Variants in AMPD3 observed in about 807,000 individuals in gnomAD.
AMPD3 encodes the protein adenosine monophosphate deaminase 3.
A neutral mutation model predicts 82.3 loss-of-function variants in AMPD3; 57 were observed. That is an observed-to-expected ratio of 0.69 (90% CI 0.56 to 0.86). The LOEUF is 0.86. Ranked by LOEUF, AMPD3 falls within the 40% of genes least tolerant of loss-of-function variation. AMPD3 has a pLI of 0.00. For synonymous variants in AMPD3, 381 were observed against 394.7 expected (o/e 0.97, Z 0.41); for missense variants, 870 against 1,003.8 (o/e 0.87, Z 1.80).
At chr11:10,463,408 C>T (rs138724211) in intron 2 of AMPD3, among the ~76,000 whole-genome samples, 10 of 152,232 alleles carry the variant, frequency 6.6e-5, no homozygotes, top group African/African-American at 1.7e-4. Context: ...GGTGGGGTGG[C>T]CCCAGCCCCA....
At chr11:10,500,706 T>C (rs1251595368) in intron 11 of AMPD3, 3 of 985,190 alleles carry the variant, frequency 3.0e-6, no homozygotes, top group East Asian at 1.1e-4. Context: ...TGGCATGCGA[T>C]AGGCATTGCC....
chr11:10,455,480 G>C (rs1848066683), intron 1 of AMPD3, 32 bp downstream of exon 1: 1 of 977,100 alleles, frequency 1.0e-6, no homozygotes, highest in Non-Finnish European at 1.2e-6. Context: ...GTGGGCTCCG[G>C]TGGGTCAGTT....
chr11:10,467,318 C>T (rs182382707), intron 2 of AMPD3, among the ~76,000 whole-genome samples: 2 of 152,222 alleles, frequency 1.3e-5, no homozygotes, highest in East Asian at 1.9e-4. Context: ...TAGAGAAGAA[C>T]ATAAATGACC....
intron 6 of AMPD3, among the ~76,000 whole-genome samples, chr11:10,489,944 G>A (rs1030159118): frequency 3.3e-5 from 5 of 152,186 alleles, no homozygotes; most frequent in Admixed American, 6.5e-5. Flanking sequence ...GCCTCCCAAA[G>A]TGCTGAGATT....
chr11:10,464,736 C>T (rs950911232), intron 2 of AMPD3, among the ~76,000 whole-genome samples: 6 of 152,166 alleles, frequency 3.9e-5, no homozygotes, highest in Admixed American at 2.0e-4. Context: ...TGTAAATGTT[C>T]GAAAGTTAAC....
intron 3 of AMPD3, 70 bp downstream of exon 3, chr11:10,478,800 C>T (rs942133635): frequency 3.4e-5 from 52 of 1,516,936 alleles, no homozygotes; most frequent in Admixed American, 5.2e-5. Context: ...GCCACAGGGT[C>T]GTGCCTCCCT....
rs575329534 is a variant in AMPD3, at chr11:10,487,548, G to A, written c.939+184G>A. Among the ~76,000 whole-genome samples the A allele has an allele frequency of 4.6e-5, 7 of 152,348 alleles. 1 individual carries two copies. The East Asian group carries it at 1.4e-3, about 29-fold the overall frequency. ...AGGAAGATGGGTGAGCTGCATTTGTGTCAGGCTGGGCCTCAGACAGCACTT... is the reference window on the plus strand; with the variant it reads ...AGGAAGATGGGTGAGCTGCATTTGTATCAGGCTGGGCCTCAGACAGCACTT... On this transcript the variant is annotated intron_variant, in intron 6 of 14. Transcript: ENST00000396553.
intron 2 of AMPD3, chr11:10,478,067 G>A: frequency 1.0e-6 from 1 of 985,412 alleles, no homozygotes; most frequent in South Asian, 4.7e-5. Flanking sequence ...GTCTCTCTGT[G>A]ACCCTATTCC....
chr11:10,497,765 C>T, intron 10 of AMPD3: 1 of 985,242 alleles, frequency 1.0e-6, no homozygotes, highest in South Asian at 4.7e-5. Flanking sequence ...TGCCTGGAGA[C>T]AGGAGGGGAG....
In AMPD3 at chr11:10,469,806, G is replaced by A. The variant is rs748218520; in HGVS notation, c.221+8066G>A. On this transcript the variant is annotated intron_variant, in intron 2 of 14. Coordinates refer to ENST00000396553, the MANE Select transcript of AMPD3 (RefSeq NM_001025389.2). ...TGTAATCCCAGCACTTTGGGAGGCCGAGGCGGGCAGATCACGAGGTCAGGA... is the reference window on the plus strand; with the variant it reads ...TGTAATCCCAGCACTTTGGGAGGCCAAGGCGGGCAGATCACGAGGTCAGGA... Among the ~76,000 whole-genome samples the A allele has an allele frequency of 9.2e-5, 14 of 152,236 alleles. No individual in the cohort carries two copies. The Middle Eastern group carries it at 0.01, about 111-fold the overall frequency.
At chr11:10,450,501 A>C (rs1177141011), upstream of AMPD3, 4 of 985,454 alleles carry the variant, frequency 4.1e-6, no homozygotes, top group East Asian at 3.4e-4. Flanking sequence ...TTGTGCGGGG[A>C]GGGGAGGACG....
rs751130603 is a variant in AMPD3, at chr11:10,478,597, G to GC, written c.299dup (p.Ala101GlyfsTer29). On this transcript the variant is annotated frameshift_variant, in exon 3 of 15. Coordinates refer to ENST00000396553, the MANE Select transcript of AMPD3 (RefSeq NM_001025389.2). LOFTEE classifies it high-confidence loss of function. ...ATGCCGCCACAGCAAGATTGGAAGG[G>GC]CCCCCCGGCAGCCAGTCCGGCCATG... 4 of 1,614,032 alleles carry GC rather than the reference G, an allele frequency of 2.5e-6. No homozygotes were observed. The highest frequency in any genetic ancestry group is 1.7e-5 in the Admixed American group (1 of 60,004).
chr11:10,496,329 C>T lies in AMPD3; in HGVS notation c.1431-483C>T, dbSNP rs375356434. The T allele has an allele frequency of 2.1e-3, 2,095 of 985,380 alleles. 5 individuals carry two copies. Among genetic ancestry groups the T allele is most frequent in the Non-Finnish European group, 2.5e-3 (2,038 of 829,916 alleles). 61.0% of individuals were successfully genotyped at this position (985,380 alleles called of 1,614,324 possible). A position where few individuals can be genotyped will look rare whatever the true frequency, so the allele number is the denominator to read the frequency against. ...GGATGGATTGTCCTTTTGGTGAGCC[C>T]CAGGGTATGGGGAGAGCTGTAGTGG... is the stretch of plus-strand genomic sequence containing the variant. On this transcript the variant is annotated intron_variant, in intron 9 of 14. Coordinates refer to ENST00000396553, the MANE Select transcript of AMPD3 (RefSeq NM_001025389.2).
At chr11:10,458,254 T>TA (rs374036957) in intron 1 of AMPD3, among the ~76,000 whole-genome samples, 27,380 of 91,314 alleles carry the variant, frequency 0.3, 4,541 homozygotes, top group Non-Finnish European at 0.36. Context: ...ACCTCATCTC[T>TA]AAAAAAAAAA....
At chr11:10,455,680 C>G (rs1848072082) in intron 1 of AMPD3, among the ~76,000 whole-genome samples, 1 of 152,200 alleles carries the variant, frequency 6.6e-6, no homozygotes, top group Non-Finnish European at 1.5e-5. Context: ...TTCCTGCTCC[C>G]TGAGTCTCTG....
chr11:10,486,795 A>G, intron 5 of AMPD3: 4 of 985,416 alleles, frequency 4.1e-6, no homozygotes, highest in Non-Finnish European at 4.8e-6. Context: ...GGCTGAGGAT[A>G]GAAAAGAGGA....
intron 1 of AMPD3, among the ~76,000 whole-genome samples, chr11:10,457,454 C>A (rs1201401195): frequency 1.3e-5 from 2 of 152,158 alleles, no homozygotes; most frequent in African/African-American, 4.8e-5. Flanking sequence ...CTCCCAATAA[C>A]TGACCACAGG....
intron 4 of AMPD3, among the ~76,000 whole-genome samples, 178 bp downstream of exon 4, chr11:10,482,403 G>A (rs983190183): frequency 3.3e-5 from 5 of 152,214 alleles, no homozygotes; most frequent in African/African-American, 1.2e-4. Flanking sequence ...TATGTGTACT[G>A]TATGCCTAGC....
At chr11:10,478,409 C>A in intron 2 of AMPD3, 117 bp from the exon 3 acceptor site, 1 of 1,574,950 alleles carries the variant, frequency 6.3e-7, no homozygotes, top group Non-Finnish European at 8.7e-7. Context: ...ATGGTAGGGC[C>A]AGCACCAGTG....
Sources: allele counts gnomAD v4.1 joint callset (sites outside exome capture counted in the v4.1 genomes callset), GRCh38; gene constraint gnomAD v4.1.1; transcripts MANE v1.5; gene names NCBI Gene and HGNC (gene_info 2026-07-23, HGNC 2026-07-21).